The following IGF2R variants were observed in gnomAD, a reference collection of about 807,000 sequenced individuals.
IGF2R encodes cation-independent mannose-6-phosphate receptor.
In IGF2R, 91 loss-of-function variants were observed where a neutral mutation model predicts 270.6. The ratio of observed to expected loss-of-function variants is 0.34; its 90% CI spans 0.28 to 0.40. The LOEUF is 0.40. Among genes scored for constraint, IGF2R ranks in the 10% least tolerant of loss-of-function variants. IGF2R has a pLI of 1.00. For missense variants in IGF2R, 2,805 were observed against 3,188.3 expected (o/e 0.88, Z 2.90); for synonymous variants, 1,316 against 1,258.9 (o/e 1.05, Z -0.96).
chr6:160,061,462 G>A (rs767339656), intron 23 of IGF2R, 41 bp from the exon 24 acceptor site: 2 of 1,604,826 alleles, frequency 1.2e-6, no homozygotes, highest in South Asian at 2.2e-5. Flanking sequence ...GTGCTCACAA[G>A]GAGGCAGAGT....
intron 29 of IGF2R, among the ~76,000 whole-genome samples, chr6:160,067,463 C>T (rs908145146): frequency 3.9e-5 from 6 of 152,108 alleles, no homozygotes; most frequent in African/African-American, 9.7e-5. Context: ...ATCTTGTTCA[C>T]GGTCATTTTC....
At chr6:160,068,507 T>C in intron 30 of IGF2R, 122 bp downstream of exon 30, 1 of 1,486,710 alleles carries the variant, frequency 6.7e-7, no homozygotes. Context: ...CTGGCACTGG[T>C]GAGAGAGGGC....
chr6:159,983,160 CTG>C (rs1216646820), intron 1 of IGF2R, among the ~76,000 whole-genome samples: 3 of 152,212 alleles, frequency 2.0e-5, no homozygotes, highest in Non-Finnish European at 4.4e-5. Context: ...CTCTAGGCAG[CTG>C]TGTCGGCCTG....
At chr6:159,981,256 C>T (rs754449206) in intron 1 of IGF2R, among the ~76,000 whole-genome samples, 2 of 151,938 alleles carry the variant, frequency 1.3e-5, no homozygotes, top group Non-Finnish European at 2.9e-5. Context: ...TGTATGTGTG[C>T]GTGAGTGCGT....
In IGF2R at chr6:160,084,895, A is replaced by G; in HGVS notation, c.6069-100A>G. The stretch of plus-strand genomic sequence containing the variant: ...CAGTGATGGAATGGAGCCCTTAGTT[A>G]TCAGAACCTTTCTCTGAAAGTAAAG... On this transcript the variant is annotated intron_variant, in intron 40 of 47. Transcript: ENST00000356956. This position sits in a 1 kb window ranked among gnomAD's most constrained non-coding sequence, Gnocchi z 4.6. 8.6e-7 allele frequency: 1 copy of G among 1,163,224 alleles called. No individual in the cohort carries two copies. The highest frequency in any genetic ancestry group is 1.5e-5 in the African/African-American group (1 of 64,808). The allele number at this position is 1,163,224 out of a possible 1,614,324, so 72.1% of individuals were successfully genotyped here. A position where few individuals can be genotyped will look rare whatever the true frequency, so the allele number is the denominator to read the frequency against.
chr6:160,058,170 A>T (rs547364683), intron 21 of IGF2R, 46 bp downstream of exon 21: 11 of 1,283,678 alleles, frequency 8.6e-6, no homozygotes, highest in Admixed American at 8.4e-5. Context: ...AAACAGGGGG[A>T]GAGTGCATTA....
chr6:159,988,023 A>G (rs754837114), intron 1 of IGF2R, among the ~76,000 whole-genome samples: 55 of 152,216 alleles, frequency 3.6e-4, no homozygotes, highest in Non-Finnish European at 6.6e-4. Flanking sequence ...TCTTGACAAA[A>G]CAAGTATGAA....
intron 29 of IGF2R, among the ~76,000 whole-genome samples, chr6:160,065,553 A>C (rs1227385528): frequency 6.6e-6 from 1 of 151,990 alleles, no homozygotes; most frequent in Non-Finnish European, 1.5e-5. Flanking sequence ...TTAAATCATA[A>C]TTTTAGTAAC....
Position 160,044,587 on chromosome 6 carries a change from T to G in IGF2R, c.1695T>G (p.Ser565=). The part of the protein sequence containing the change: ...PMKEKGNIQL[S]YSDGDDCGHG... ...AAGAGAAAGGAAACATTCAACTCTCTTATTCAGATGGTGATGATTGTGGTC... is the reference window on the plus strand; with the variant it reads ...AAGAGAAAGGAAACATTCAACTCTCGTATTCAGATGGTGATGATTGTGGTC... The change falls in exon 13 of 48, where the codon TCT becomes TCG. Residue 565 remains serine (S), a synonymous_variant. Transcript: ENST00000356956. 1 of 1,609,764 alleles carries G rather than the reference T, an allele frequency of 6.2e-7. No homozygotes were observed. The highest frequency in any genetic ancestry group is 8.5e-7 in the Non-Finnish European group (1 of 1,176,572).
intron 27 of IGF2R, 149 bp from the exon 28 acceptor site, chr6:160,064,252 A>T (rs1243795536): frequency 1.1e-6 from 1 of 887,428 alleles, no homozygotes; most frequent in African/African-American, 1.7e-5. Context: ...CCCAAAGTGT[A>T]ATGTGACAGG....
intron 41 of IGF2R, among the ~76,000 whole-genome samples, chr6:160,086,254 C>T (rs1779095504): frequency 6.6e-6 from 1 of 152,218 alleles, no homozygotes; most frequent in African/African-American, 2.4e-5. Flanking sequence ...AGAGCTCATG[C>T]TTTCTCCTGG....
At chr6:160,029,719 C>T (rs1777652879) in intron 7 of IGF2R, 64 bp downstream of exon 7, 2 of 1,159,802 alleles carry the variant, frequency 1.7e-6, no homozygotes, top group Non-Finnish European at 2.6e-6. Context: ...CATGCGAACG[C>T]GTTTCTGGGC....
At chr6:159,993,985 ATTTTTT>A (rs59369382) in intron 2 of IGF2R, among the ~76,000 whole-genome samples, 23 of 61,042 alleles carry the variant, frequency 3.8e-4, no homozygotes, top group African/African-American at 1.3e-3. Flanking sequence ...CTCCAACTTG[ATTTTTT>A]TTTTTTTTTT....
At chr6:160,065,836 A>ATATATATG (rs1778570878) in intron 29 of IGF2R, among the ~76,000 whole-genome samples, 5 of 117,026 alleles carry the variant, frequency 4.3e-5, no homozygotes, top group African/African-American at 1.8e-4. Context: ...ATATATATAT[A>ATATATATG]TATATATATG....
intron 1 of IGF2R, among the ~76,000 whole-genome samples, chr6:159,986,740 C>CTA (rs1343889426): frequency 1.4e-5 from 2 of 144,390 alleles, no homozygotes; most frequent in African/African-American, 5.1e-5. Context: ...ATATTGATCT[C>CTA]TTTTTTTTTT....
At chr6:159,979,019 G>A (rs1279424385) in intron 1 of IGF2R, among the ~76,000 whole-genome samples, 1 of 152,158 alleles carries the variant, frequency 6.6e-6, no homozygotes. Flanking sequence ...AGGAGTGTGT[G>A]ACAGCAAAAA....
chr6:160,028,457 G>C (rs1483904970), intron 6 of IGF2R, among the ~76,000 whole-genome samples: 3 of 152,238 alleles, frequency 2.0e-5, no homozygotes, highest in Non-Finnish European at 4.4e-5. Flanking sequence ...GAGTCTTTAA[G>C]TGACACATTG....
intron 2 of IGF2R, among the ~76,000 whole-genome samples, chr6:160,000,935 C>T (rs1168792306): frequency 6.6e-6 from 1 of 151,782 alleles, no homozygotes; most frequent in African/African-American, 2.4e-5. Flanking sequence ...TGGGGTTTCA[C>T]CATGTTGGCC....
chr6:160,073,404 T>G lies in IGF2R; in HGVS notation c.4882T>G (p.Ser1628Ala), dbSNP rs879235276. ...GCCAACCAATAGGCCCATGCTCATCTCCCTGGACAAGCAGACATGCACTCT... is the reference window on the plus strand; with the variant it reads ...GCCAACCAATAGGCCCATGCTCATCGCCCTGGACAAGCAGACATGCACTCT... ...ARPTNRPMLI[S>A]LDKQTCTLFF... The change falls in exon 34 of 48, where the codon TCC becomes GCC. Residue 1628 changes from serine to alanine, a missense_variant. Physicochemically the swap from Ser to Ala is moderately conservative, Grantham distance 99 (BLOSUM62 1). This residue lies in a region of IGF2R where 1,851 missense variants were observed against 2,207.2 expected (regional missense o/e 0.84). Transcript: ENST00000356956. The G allele has an allele frequency of 6.2e-7, 1 of 1,614,226 alleles. No individual in the cohort carries two copies. Among genetic ancestry groups the G allele is most frequent in the South Asian group, 1.1e-5 (1 of 91,090 alleles).
Sources: gnomAD v4.1 joint callset for allele counts (sites outside exome capture counted in the v4.1 genomes callset) on GRCh38, gnomAD v4.1.1 for gene constraint, gnomAD v4.1.1 regional missense constraint, Gnocchi (gnomAD v3.1) non-coding constraint, MANE v1.5 for transcripts, NCBI Gene and HGNC (gene_info 2026-07-23, HGNC 2026-07-21) for gene names.